GTF2B: variants seen among roughly 807,000 people sequenced by gnomAD.
GTF2B encodes the protein general transcription factor IIB.
A neutral mutation model predicts 34.6 loss-of-function variants in GTF2B; 20 were observed. That is an observed-to-expected ratio of 0.58 (90% CI 0.41 to 0.84). The LOEUF is 0.84. Ranked by LOEUF, GTF2B falls within the 40% of genes least tolerant of loss-of-function variation. The pLI is 0.00. For synonymous variants in GTF2B, 142 were observed against 132.4 expected, an observed-to-expected ratio of 1.07 and a Z score of -0.50; for missense variants, 237 against 393.3, an observed-to-expected ratio of 0.60 and a Z score of 3.36.
Position 88,853,174 on chromosome 1 carries a change from A to C in GTF2B, c.*39T>G. The C allele has an allele frequency of 6.2e-7, 1 of 1,603,718 alleles. No individual in the cohort carries two copies. Among genetic ancestry groups the C allele is most frequent in the Non-Finnish European group, 8.5e-7 (1 of 1,170,504 alleles). On this transcript the variant is annotated 3_prime_UTR_variant, in exon 7 of 7. Transcript: ENST00000370500. ...TTGTATAGGCTATGTACAACAGGCA[A>C]AGTTTTGTATTCAAGAATTTGACGT...
intron 3 of GTF2B, among the ~76,000 whole-genome samples, chr1:88,863,076 AGT>A (rs748266395): frequency 3.3e-5 from 5 of 152,322 alleles, no homozygotes; most frequent in Middle Eastern, 3.4e-3. Context: ...CGGATAACAG[AGT>A]GAGAATCAGG....
At chr1:88,856,621 A>T (rs888645531) in intron 6 of GTF2B, among the ~76,000 whole-genome samples, 9 of 152,172 alleles carry the variant, frequency 5.9e-5, no homozygotes, top group African/African-American at 2.2e-4. Context: ...CAGGAGGAAT[A>T]TATTCAGGGA....
At chr1:88,864,428 C>A (rs574441499) in intron 2 of GTF2B, among the ~76,000 whole-genome samples, 9 of 152,046 alleles carry the variant, frequency 5.9e-5, no homozygotes, top group Non-Finnish European at 7.4e-5. Flanking sequence ...TGATTAAGAA[C>A]CAGATTTTGC....
intron 1 of GTF2B, among the ~76,000 whole-genome samples, chr1:88,890,982 T>C (rs766415944): frequency 6.6e-6 from 1 of 151,982 alleles, no homozygotes; most frequent in Non-Finnish European, 1.5e-5. Flanking sequence ...CCAGGTTCCA[T>C]CTGGCTTACC....
chr1:88,881,839 T>C (rs900071123), intron 2 of GTF2B, among the ~76,000 whole-genome samples: 1 of 152,030 alleles, frequency 6.6e-6, no homozygotes, highest in South Asian at 2.1e-4. Flanking sequence ...TTAACTTCCT[T>C]TGGTTTGATA....
intron 1 of GTF2B, among the ~76,000 whole-genome samples, chr1:88,889,219 T>C (rs771382235): frequency 2.6e-5 from 4 of 152,248 alleles, no homozygotes; most frequent in Non-Finnish European, 5.9e-5. Flanking sequence ...CTACTTTTCA[T>C]GGTTTTAGTC....
chr1:88,868,742 T>C (rs1361999845), intron 2 of GTF2B, among the ~76,000 whole-genome samples: 1 of 882 alleles, frequency 1.1e-3, no homozygotes, highest in African/African-American at 1.3e-3. Context: ...TGTGTATTCT[T>C]TTTTTTTTTT....
At position 88,877,557 on chromosome 1, in the gene GTF2B, C is replaced by T. The variant is rs549535720; in HGVS notation, c.124+9704G>A. ...GATTATCTAAATACAATAATACTGC[C>T]ACCTAGTGTTCAACTTTTAAAACGA... is the stretch of plus-strand genomic sequence containing the variant. On this transcript the variant is annotated intron_variant, in intron 2 of 6. Coordinates refer to ENST00000370500, the MANE Select transcript of GTF2B (RefSeq NM_001514.6). 1.3e-4 allele frequency among the ~76,000 whole-genome samples: 20 copies of T among 152,286 alleles called. 1 individual carries two copies. In the South Asian group the frequency reaches 4.1e-3, roughly 32 times the overall value.
intron 6 of GTF2B, among the ~76,000 whole-genome samples, chr1:88,854,905 A>C (rs1390384402): frequency 6.6e-6 from 1 of 152,232 alleles, no homozygotes; most frequent in Non-Finnish European, 1.5e-5. Context: ...CAATTAGCTA[A>C]TTTTAAATTT....
At chr1:88,856,285 A>C (rs1336158899) in intron 6 of GTF2B, among the ~76,000 whole-genome samples, 26 of 106,258 alleles carry the variant, frequency 2.4e-4, no homozygotes, top group African/African-American at 1.4e-3. Flanking sequence ...AAAAAAAAAA[A>C]AAAAACAAAA....
intron 1 of GTF2B, chr1:88,887,974 T>C (rs1028259394): frequency 6.6e-6 from 1 of 152,274 alleles, no homozygotes. Flanking sequence ...TATTAATAAT[T>C]AGCTCAATTT....
At chr1:88,872,663 A>G (rs1323534483) in intron 2 of GTF2B, among the ~76,000 whole-genome samples, 2 of 152,058 alleles carry the variant, frequency 1.3e-5, no homozygotes, top group East Asian at 3.9e-4. Context: ...GTAGTACCAC[A>G]ATGGGTACCT....
chr1:88,881,175 A>C (rs1673931033), intron 2 of GTF2B, among the ~76,000 whole-genome samples: 1 of 151,238 alleles, frequency 6.6e-6, no homozygotes, highest in Non-Finnish European at 1.5e-5. Flanking sequence ...TATTTAAAAA[A>C]AAAAAAAAAA....
At chr1:88,878,373 T>C (rs1417396208) in intron 2 of GTF2B, among the ~76,000 whole-genome samples, 2 of 152,208 alleles carry the variant, frequency 1.3e-5, no homozygotes, top group Admixed American at 6.5e-5. Flanking sequence ...TAACACTTCA[T>C]ATGTTTCAAA....
rs777916117 is a variant in GTF2B at position 88,863,997 on chromosome 1, G to A, written c.242C>T (p.Ser81Phe). Residue 81 changes from serine to phenylalanine, a missense_variant, in exon 3 of 7, where the codon TCT becomes TTT. By Grantham distance (155) the Ser-to-Phe change is radical. Transcript: ENST00000370500. ...ACTTATTACCTTGCCAATCATGGTA[G>A]ACAAATCTCCATCACTCAGAAGAGG... is the stretch of plus-strand genomic sequence containing the variant. ...QNPLLSDGDL[S>F]TMIGKGTGAA... 6.8e-6 allele frequency: 11 copies of A among 1,613,728 alleles called. No individual in the cohort carries two copies. The highest frequency in any genetic ancestry group is 9.3e-6 in the Non-Finnish European group (11 of 1,179,634).
At chr1:88,865,184 T>G (rs1557655166) in intron 2 of GTF2B, among the ~76,000 whole-genome samples, 1 of 152,218 alleles carries the variant, frequency 6.6e-6, no homozygotes, top group Non-Finnish European at 1.5e-5. Context: ...CTGCTTAGCC[T>G]TGGAATATTA....
At chr1:88,869,264 A>T (rs923816894) in intron 2 of GTF2B, among the ~76,000 whole-genome samples, 2 of 152,224 alleles carry the variant, frequency 1.3e-5, no homozygotes, top group Non-Finnish European at 2.9e-5. Flanking sequence ...GTCATATTGT[A>T]TCAGAGACTA....
At position 88,874,497 on chromosome 1, in the gene GTF2B, A is replaced by T. The variant is rs7550606; in HGVS notation, c.125-10383T>A. On this transcript the variant is annotated intron_variant, in intron 2 of 6. Transcript: ENST00000370500. ...TGCGCCACCACACACAGCTAATTAA[A>T]TTTTTTTTTTTTTTTTTTTTTTTTT... Among the ~76,000 whole-genome samples the T allele has an allele frequency of 2.4e-3, 200 of 83,578 alleles. 4 individuals carry two copies. The highest frequency in any genetic ancestry group is 8.1e-3 in the African/African-American group (178 of 22,050). The allele number at this position is 83,578 out of a possible 152,430, so 54.8% of individuals were successfully genotyped here. A position where few individuals can be genotyped will look rare whatever the true frequency, so the allele number is the denominator to read the frequency against.
At chr1:88,864,152 G>C in intron 2 of GTF2B, 38 bp from the exon 3 acceptor site, 1 of 1,607,832 alleles carries the variant, frequency 6.2e-7, no homozygotes, top group Middle Eastern at 1.7e-4. Context: ...ATTTTGTCAA[G>C]ATAGGGTTTA....
Sources: allele counts gnomAD v4.1 joint callset (sites outside exome capture counted in the v4.1 genomes callset), GRCh38; gene constraint gnomAD v4.1.1; transcripts MANE v1.5; gene names NCBI Gene and HGNC (gene_info 2026-07-23, HGNC 2026-07-21).